Variants in AGBL4 observed in about 807,000 individuals in gnomAD.
The protein encoded by AGBL4 is AGBL carboxypeptidase 4, also known as cytosolic carboxypeptidase 6.
In AGBL4, 58 loss-of-function variants were observed where a neutral mutation model predicts 66.4. The ratio of observed to expected loss-of-function variants is 0.87; its 90% confidence interval spans 0.71 to 1.09. The LOEUF (loss-of-function observed/expected upper bound fraction) is 1.09, where lower values mean the gene tolerates loss of function less well. Among genes scored for constraint, AGBL4 ranks in the 50% least tolerant of loss-of-function variants. The pLI, the probability that AGBL4 is intolerant of heterozygous loss-of-function variation, is 0.00. For missense variants in AGBL4, 579 were observed against 631.0 expected, an observed-to-expected ratio of 0.92 and a Z score of 0.88; for synonymous variants, 234 against 222.9, an observed-to-expected ratio of 1.05 and a Z score of -0.44.
intron 3 of AGBL4, among the ~76,000 whole-genome samples, chr1:49,348,759 GAAGCTTT>G (rs1326503984): frequency 1.3e-5 from 2 of 152,188 alleles, no homozygotes; most frequent in African/African-American, 4.8e-5. Context: ...AAAACGAATA[GAAGCTTT>G]CATTTTCCAT....
chr1:50,020,506 C>A (rs1662364822), intron 1 of AGBL4, among the ~76,000 whole-genome samples: 1 of 152,172 alleles, frequency 6.6e-6, no homozygotes, highest in African/African-American at 2.4e-5. Context: ...AGGATCTGAG[C>A]CCATTTCTTT....
At chr1:49,180,376 C>T (rs766801434) in intron 4 of AGBL4, among the ~76,000 whole-genome samples, 1 of 152,124 alleles carries the variant, frequency 6.6e-6, no homozygotes, top group Non-Finnish European at 1.5e-5. Context: ...GAGGTCAAAA[C>T]AAGAAGAAAA....
intron 2 of AGBL4, among the ~76,000 whole-genome samples, chr1:49,755,644 T>A (rs577367853): frequency 6.6e-6 from 1 of 152,192 alleles, no homozygotes; most frequent in African/African-American, 2.4e-5. Context: ...AAAATCCTCC[T>A]GGAATCCATC....
chr1:49,232,704 T>TA lies in AGBL4; in HGVS notation c.377+13065dup, dbSNP rs763315608. ...ACAGAGCGAGACTCTGTCTCAAAAT[T>TA]AAAAAAAAAAAAAGGACTACAGGAA... On this transcript the variant is annotated intron_variant, in intron 4 of 13. Coordinates refer to ENST00000371839, the MANE Select transcript of AGBL4 (RefSeq NM_032785.4). Among the ~76,000 whole-genome samples the TA allele has an allele frequency of 5.9e-3, 806 of 137,688 alleles. 10 individuals are homozygous for TA. The highest frequency in any genetic ancestry group is 0.042 in the East Asian group (200 of 4,798). 90.3% of individuals were successfully genotyped at this position (137,688 alleles called of 152,430 possible).
intron 6 of AGBL4, among the ~76,000 whole-genome samples, chr1:48,762,106 C>T (rs1421959076): frequency 6.6e-6 from 1 of 152,176 alleles, no homozygotes; most frequent in African/African-American, 2.4e-5. Flanking sequence ...GCTCATGTTA[C>T]ATGAGGAAAT....
intron 3 of AGBL4, among the ~76,000 whole-genome samples, chr1:49,545,957 G>C (rs1462821583): frequency 6.6e-6 from 1 of 152,098 alleles, no homozygotes; most frequent in African/African-American, 2.4e-5. Flanking sequence ...GTGGTGGTTT[G>C]TGAGAATTGG....
At chr1:49,846,280 C>A (rs1455037549) in intron 2 of AGBL4, 1 of 1,493,176 alleles carries the variant, frequency 6.7e-7, no homozygotes, top group Non-Finnish European at 9.3e-7. Flanking sequence ...GGCAGAGCAC[C>A]CACCTCACAC....
At chr1:49,149,089 A>C (rs186506499) in intron 4 of AGBL4, among the ~76,000 whole-genome samples, 1 of 152,278 alleles carries the variant, frequency 6.6e-6, no homozygotes, top group East Asian at 1.9e-4. Context: ...TCTATGTTCT[A>C]ATCAAGGTGC....
At chr1:48,847,651 T>C in intron 6 of AGBL4, among the ~76,000 whole-genome samples, 1 of 152,216 alleles carries the variant, frequency 6.6e-6, no homozygotes, top group East Asian at 1.9e-4. Context: ...ATCTTCAAAG[T>C]GAGTACAAGG....
chr1:49,802,275 G>T (rs1237433705), intron 2 of AGBL4, among the ~76,000 whole-genome samples: 1 of 152,124 alleles, frequency 6.6e-6, no homozygotes, highest in Non-Finnish European at 1.5e-5. Flanking sequence ...GGGGTCGCCT[G>T]TCTATATGGA....
At chr1:49,581,363 T>A (rs1644538115) in intron 3 of AGBL4, among the ~76,000 whole-genome samples, 1 of 152,172 alleles carries the variant, frequency 6.6e-6, no homozygotes, top group African/African-American at 2.4e-5. Context: ...TTGGTTAGAA[T>A]CTGTTGTTGG....
chr1:49,513,146 G>T (rs557481436), intron 3 of AGBL4, among the ~76,000 whole-genome samples: 1 of 152,036 alleles, frequency 6.6e-6, no homozygotes, highest in Non-Finnish European at 1.5e-5. Context: ...TAAACTCCAA[G>T]TTCAGTGTTC....
At chr1:49,111,241 T>C (rs992660030) in intron 4 of AGBL4, among the ~76,000 whole-genome samples, 4 of 151,628 alleles carry the variant, frequency 2.6e-5, no homozygotes, top group Admixed American at 2.6e-4. Flanking sequence ...AGCCTCCCAA[T>C]AGCTGGGAGT....
intron 4 of AGBL4, among the ~76,000 whole-genome samples, chr1:49,105,842 A>G (rs1056464639): frequency 6.6e-6 from 1 of 152,178 alleles, no homozygotes; most frequent in Non-Finnish European, 1.5e-5. Context: ...TTCTCAATAA[A>G]TGTTCCTTTT....
intron 5 of AGBL4, among the ~76,000 whole-genome samples, chr1:48,880,922 T>C (rs1300803977): frequency 1.3e-5 from 2 of 152,224 alleles, no homozygotes; most frequent in Non-Finnish European, 2.9e-5. Context: ...TCATCGTGAA[T>C]GTTATTTTAA....
At chr1:48,916,149 G>C (rs188696357) in intron 5 of AGBL4, among the ~76,000 whole-genome samples, 1 of 152,302 alleles carries the variant, frequency 6.6e-6, no homozygotes, top group East Asian at 1.9e-4. Flanking sequence ...AATGTTTGAT[G>C]AATGATTGAC....
intron 6 of AGBL4, among the ~76,000 whole-genome samples, chr1:48,783,684 T>C (rs1326750169): frequency 1.3e-5 from 2 of 152,198 alleles, no homozygotes; most frequent in East Asian, 3.9e-4. Context: ...AAGGATCACC[T>C]TGGGAATTAA....
intron 3 of AGBL4, among the ~76,000 whole-genome samples, chr1:49,582,911 C>T (rs144484618): frequency 1.9e-4 from 29 of 152,264 alleles, no homozygotes; most frequent in African/African-American, 7.0e-4. Flanking sequence ...TATCAATACC[C>T]ACTGTTTTCA....
chr1:49,568,487 TCACA>T lies in AGBL4; in HGVS notation c.282+128822_282+128825del, dbSNP rs71059555. Among the ~76,000 whole-genome samples the T allele has an allele frequency of 2.7e-3, 352 of 131,282 alleles. 2 individuals carry two copies. The highest frequency in any genetic ancestry group is 8.8e-3 in the African/African-American group (308 of 34,994). The allele number at this position is 131,282 out of a possible 152,430, so 86.1% of individuals were successfully genotyped here. On this transcript the variant is annotated intron_variant, in intron 3 of 13. Transcript: ENST00000371839. Reference sequence around the variant, plus strand: ...AAACACTGCTCAAAGAAATAAGTGATCACACACACACACACACACACACACACAC... The same window carrying T: ...AAACACTGCTCAAAGAAATAAGTGATCACACACACACACACACACACACAC...
Sources: allele counts gnomAD v4.1 joint callset (sites outside exome capture counted in the v4.1 genomes callset), GRCh38; gene constraint gnomAD v4.1.1; transcripts MANE v1.5; gene names NCBI Gene and HGNC (gene_info 2026-07-23, HGNC 2026-07-21).